The following ZFC3H1 variants were observed in gnomAD, a reference collection of about 807,000 sequenced individuals.
ZFC3H1 encodes the protein zinc finger C3H1-type containing.
In ZFC3H1, 71 loss-of-function variants were observed where a neutral mutation model predicts 243.7. That is an observed-to-expected ratio of 0.29 (90% CI 0.24 to 0.36). The LOEUF is 0.36. Ranked by LOEUF, ZFC3H1 falls within the 10% of genes least tolerant of loss-of-function variation. The probability of loss-of-function intolerance (pLI) is 1.00; values close to 1 mark genes in which losing one functional copy is unlikely to be tolerated. For synonymous variants in ZFC3H1, 838 were observed against 813.0 expected, an observed-to-expected ratio of 1.03 and a Z score of -0.52; for missense variants, 1,966 against 2,317.1, an observed-to-expected ratio of 0.85 and a Z score of 3.11.
chr12:71,624,417 G>C (rs1395349962), intron 22 of ZFC3H1, 125 bp from the exon 23 acceptor site: 1 of 1,002,528 alleles, frequency 1.0e-6, no homozygotes, highest in Non-Finnish European at 1.4e-6. Context: ...AAGGATTACT[G>C]TAAAAATGTA....
Position 71,632,431 on chromosome 12 carries a change from T to G in ZFC3H1, c.2901A>C (p.Arg967Ser). ...ATTCATATTCTAGCTTTTGTAACCGTCTTTTCTCCATAGCAATTAGTTCTG... is the reference window on the plus strand; with the variant it reads ...ATTCATATTCTAGCTTTTGTAACCGGCTTTTCTCCATAGCAATTAGTTCTG... ...HSAELIAMEK[R>S]RLQKLEYEYA... The change falls in exon 15 of 35, where the codon AGA (arginine) becomes AGC (serine). Residue 967 changes from arginine to serine, a missense_variant. Transcript: ENST00000378743. 6.2e-7 allele frequency: 1 copy of G among 1,609,914 alleles called. No homozygotes were observed. Among genetic ancestry groups the G allele is most frequent in the Non-Finnish European group, 8.5e-7 (1 of 1,179,784 alleles).
In ZFC3H1 at chr12:71,644,860, T is replaced by G; in HGVS notation, c.1279+17A>C. On this transcript the variant is annotated intron_variant, in intron 4 of 34. Transcript: ENST00000378743. Reference sequence around the variant, plus strand: ...GAAAACAAAACAAAAACACAAGAATTTAATAAAAATGATCACCTGTAGTGC... The same window carrying G: ...GAAAACAAAACAAAAACACAAGAATGTAATAAAAATGATCACCTGTAGTGC... 1 of 1,588,894 alleles carries G rather than the reference T, an allele frequency of 6.3e-7. No homozygotes were observed. Among genetic ancestry groups the G allele is most frequent in the Non-Finnish European group, 8.5e-7 (1 of 1,173,462 alleles).
In ZFC3H1 at chr12:71,644,331, AAC is replaced by A. The variant is rs768599068; in HGVS notation, c.1280-15_1280-14del. ...AATGCTTGTTTAGCTTTAAATAAAA[AAC>A]ACATAAACATTAGCATCTGTTAGGA... On this transcript the variant is annotated splice_polypyrimidine_tract_variant and intron_variant, in intron 4 of 34. Coordinates refer to ENST00000378743, the MANE Select transcript of ZFC3H1 (RefSeq NM_144982.5). 8 of 1,607,306 alleles carry A rather than the reference AAC, an allele frequency of 5.0e-6. No homozygotes were observed. The South Asian group carries it at 9.0e-5, about 18-fold the overall frequency.
At chr12:71,625,403 C>T (rs1267904267) in intron 22 of ZFC3H1, among the ~76,000 whole-genome samples, 1 of 152,056 alleles carries the variant, frequency 6.6e-6, no homozygotes. Flanking sequence ...AAAAACATCC[C>T]ATTCTTGGCT....
In ZFC3H1 at chr12:71,663,085, G is replaced by A. The variant is rs371674086; in HGVS notation, c.526C>T (p.Leu176=). Residue 176 remains leucine, a synonymous_variant, in exon 1 of 35, where the codon CTG becomes TTG. Transcript: ENST00000378743. The part of the protein sequence containing the change: ...RGGKPGCRPP[L]GGGAGSGFSS... ...AACCCGGATCCTGCTCCTCCTCCCA[G>A]AGGAGGTCTGCACCCCGGCTTGCCT... The A allele has an allele frequency of 5.0e-5, 81 of 1,614,026 alleles. 1 individual carries two copies. Among genetic ancestry groups the A allele is most frequent in the Admixed American group, 1.7e-4 (10 of 60,024 alleles).
At position 71,663,676 on chromosome 12, in the gene ZFC3H1, G is replaced by C; in HGVS notation, c.-66C>G. The C allele has an allele frequency of 6.5e-7, 1 of 1,537,248 alleles. No homozygotes were observed. Among genetic ancestry groups the C allele is most frequent in the Non-Finnish European group, 8.8e-7 (1 of 1,137,912 alleles). ...CGGGGATCCGCCCGACAATTGCCTCGTTTCCCTTCTTTCCTAACGGACTGG... is the reference window on the plus strand; with the variant it reads ...CGGGGATCCGCCCGACAATTGCCTCCTTTCCCTTCTTTCCTAACGGACTGG... On this transcript the variant is annotated 5_prime_UTR_variant, in exon 1 of 35. Coordinates refer to ENST00000378743, the MANE Select transcript of ZFC3H1 (RefSeq NM_144982.5).
In ZFC3H1 at chr12:71,625,119, T is replaced by TAA. The variant is rs147747974; in HGVS notation, c.4318-829_4318-828dup. ...TTCACTTAGGTACAATGCTCTAGGT[T>TAA]AAAAAAAAATCAAGCATGCTTTACT... On this transcript the variant is annotated intron_variant, in intron 22 of 34. Transcript: ENST00000378743. Among the ~76,000 whole-genome samples, 307 of 151,716 alleles carry TAA rather than the reference T, an allele frequency of 2.0e-3. 2 individuals carry two copies. The highest frequency in any genetic ancestry group is 6.9e-3 in the African/African-American group (286 of 41,404).
In ZFC3H1 at chr12:71,624,117, A is replaced by C; in HGVS notation, c.4493T>G (p.Leu1498Arg). 6.2e-7 allele frequency: 1 copy of C among 1,611,528 alleles called. No individual in the cohort carries two copies. Among genetic ancestry groups the C allele is most frequent in the Admixed American group, 1.7e-5 (1 of 59,242 alleles). The change falls in exon 23 of 35, where the codon CTG (leucine) becomes CGG (arginine). Residue 1498 changes from leucine (L) to arginine (R), a missense_variant. Around this residue, in one of 4 missense-constraint regions of ZFC3H1, gnomAD observed 1,383 missense variants for 1,723.7 expected, o/e 0.80. Coordinates refer to ENST00000378743, the MANE Select transcript of ZFC3H1 (RefSeq NM_144982.5). ...CCAAGTGCTTACCTGTAAAATTGCC[A>C]GTGCACTTTGGCATCTTCCAGTAAA... ...HIFTGRCQSALAILQNALKSA... is the reference protein window; with the variant it reads ...HIFTGRCQSARAILQNALKSA...
rs1358720412 is a variant in ZFC3H1 at position 71,623,518 on chromosome 12, T to C, written c.4586A>G (p.Tyr1529Cys). 1 of 1,613,698 alleles carries C rather than the reference T, an allele frequency of 6.2e-7. No individual in the cohort carries two copies. Among genetic ancestry groups the C allele is most frequent in the East Asian group, 2.2e-5 (1 of 44,806 alleles). The change falls in exon 24 of 35, where the codon TAC becomes TGC. Residue 1529 changes from tyrosine to cysteine, a missense_variant. By Grantham distance (194) the Tyr-to-Cys change is radical. Around this residue, in one of 4 missense-constraint regions of ZFC3H1, gnomAD observed 1,383 missense variants for 1,723.7 expected, o/e 0.80. Coordinates refer to ENST00000378743, the MANE Select transcript of ZFC3H1 (RefSeq NM_144982.5). Reference sequence around the variant, plus strand: ...AATGTTGAATTCAATAAGATGTATGTAGGCCAACCATGCCAAACATCGATC... The same window carrying C: ...AATGTTGAATTCAATAAGATGTATGCAGGCCAACCATGCCAAACATCGATC... ...TSDRCLAWLA[Y>C]IHLIEFNILP... is the part of the protein sequence containing the mutation.
At chr12:71,651,821 T>TCAAG (rs1456842925) in intron 2 of ZFC3H1, among the ~76,000 whole-genome samples, 1 of 152,076 alleles carries the variant, frequency 6.6e-6, no homozygotes, top group African/African-American at 2.4e-5. Context: ...AGACAATGGT[T>TCAAG]CAAGATAAAG....
chr12:71,651,643 T>C (rs1046790862), intron 2 of ZFC3H1, among the ~76,000 whole-genome samples: 4 of 152,178 alleles, frequency 2.6e-5, no homozygotes, highest in Admixed American at 1.3e-4. Flanking sequence ...ATTGGGCTAA[T>C]AAGGCAATGA....
chr12:71,658,561 T>C (rs1881083791), intron 1 of ZFC3H1, among the ~76,000 whole-genome samples: 1 of 151,996 alleles, frequency 6.6e-6, no homozygotes, highest in South Asian at 2.1e-4. Flanking sequence ...AGTGCCGGGA[T>C]TACAGGTGTG....
Position 71,610,496 on chromosome 12 carries a change from C to T in ZFC3H1, c.5902G>A (p.Glu1968Lys). 6.2e-7 allele frequency: 1 copy of T among 1,613,624 alleles called. No individual in the cohort carries two copies. Among genetic ancestry groups the T allele is most frequent in the Non-Finnish European group, 8.5e-7 (1 of 1,179,660 alleles). The change falls in exon 35 of 35, where the codon GAG becomes AAG. Residue 1968 changes from glutamate (E) to lysine (K), a missense_variant. Coordinates refer to ENST00000378743, the MANE Select transcript of ZFC3H1 (RefSeq NM_144982.5). ...NLRKLVSKCQ[E>K]IGVSLNELLN... ...AGCTCATTTAGGCTGACTCCAATCTCTTGGCACTTGGAAACTAGTTTTCTC... is the reference window on the plus strand; with the variant it reads ...AGCTCATTTAGGCTGACTCCAATCTTTTGGCACTTGGAAACTAGTTTTCTC...
intron 32 of ZFC3H1, 185 bp from the exon 33 acceptor site, chr12:71,611,282 A>G (rs988046980): frequency 2.1e-6 from 1 of 467,978 alleles, no homozygotes; most frequent in East Asian, 3.6e-5. Flanking sequence ...AAAATTCAAC[A>G]ATTTTTATCA....
rs2137533773 is a variant in ZFC3H1, at chr12:71,630,937, C to T, written c.3488G>A (p.Arg1163Gln). The change falls in exon 17 of 35, where the codon CGA (arginine) becomes CAA (glutamine). Residue 1163 changes from arginine (R) to glutamine (Q), a missense_variant. Physicochemically the swap from Arg to Gln is conservative, Grantham distance 43. Transcript: ENST00000378743. Reference sequence around the variant, plus strand: ...GCTCAGGGGAAGTTTTTCCTTGGTTCGATAATATGGACTAAATCTAAGGTG... The same window carrying T: ...GCTCAGGGGAAGTTTTTCCTTGGTTTGATAATATGGACTAAATCTAAGGTG... ...FKSYRFSPYY[R>Q]TKEKLPLSSV... The T allele has an allele frequency of 1.9e-6, 3 of 1,611,048 alleles. No individual in the cohort carries two copies. Among genetic ancestry groups the T allele is most frequent in the Non-Finnish European group, 1.7e-6 (2 of 1,178,036 alleles).
rs1242640136 is a variant in ZFC3H1 at position 71,662,887 on chromosome 12, T to C, written c.598+126A>G. 4.1e-6 allele frequency: 4 copies of C among 973,406 alleles called. No individual in the cohort carries two copies. The East Asian group carries it at 9.7e-5, about 23-fold the overall frequency. 60.3% of individuals were successfully genotyped at this position (973,406 alleles called of 1,614,324 possible). A position where few individuals can be genotyped will look rare whatever the true frequency, so the allele number is the denominator to read the frequency against. On this transcript the variant is annotated intron_variant, in intron 1 of 34. Coordinates refer to ENST00000378743, the MANE Select transcript of ZFC3H1 (RefSeq NM_144982.5). The stretch of plus-strand genomic sequence containing the variant: ...GGAATTACCAAAGAACAACTTAAAG[T>C]ATACTGACACAGGGAGAAATAAGCG...
rs181172673 is a variant in ZFC3H1 at position 71,655,509 on chromosome 12, T to G, written c.1015+1376A>C. 9.2e-5 allele frequency among the ~76,000 whole-genome samples: 14 copies of G among 152,194 alleles called. No individual in the cohort carries two copies. The East Asian group carries it at 2.7e-3, about 29-fold the overall frequency. ...GCAGGGAAAAAAAAGGTACAACTTA[T>G]AAATACTACAGATAAAAAAGTAAAG... On this transcript the variant is annotated intron_variant, in intron 2 of 34. Coordinates refer to ENST00000378743, the MANE Select transcript of ZFC3H1 (RefSeq NM_144982.5).
chr12:71,654,164 G>C (rs1880960039), intron 2 of ZFC3H1, among the ~76,000 whole-genome samples: 1 of 152,130 alleles, frequency 6.6e-6, no homozygotes, highest in Non-Finnish European at 1.5e-5. Context: ...TAAGCACAGA[G>C]CATGGTGGCT....
At position 71,645,058 on chromosome 12, in the gene ZFC3H1, T is replaced by C; in HGVS notation, c.1098A>G (p.Glu366=). 6.2e-7 allele frequency: 1 copy of C among 1,603,572 alleles called. No homozygotes were observed. ...ILSEKKLGED[E]EELSELQLRL... is the part of the protein sequence containing the mutation. Reference sequence around the variant, plus strand: ...GAAGCTGTAATTCAGATAGTTCCTCTTCATCTTCACCAAGTTTCTTTAAAG... The same window carrying C: ...GAAGCTGTAATTCAGATAGTTCCTCCTCATCTTCACCAAGTTTCTTTAAAG... Residue 366 remains glutamate, a synonymous_variant, in exon 4 of 35, where the codon GAA becomes GAG. Coordinates refer to ENST00000378743, the MANE Select transcript of ZFC3H1 (RefSeq NM_144982.5).
Sources: allele counts gnomAD v4.1 joint callset (sites outside exome capture counted in the v4.1 genomes callset), GRCh38; gene constraint gnomAD v4.1.1; regional missense constraint gnomAD v4.1.1; transcripts MANE v1.5; gene names NCBI Gene and HGNC (gene_info 2026-07-23, HGNC 2026-07-21).